Variants in PHLDB2 observed in about 807,000 individuals in gnomAD.
PHLDB2 encodes the protein pleckstrin homology-like domain family B member 2.
PHLDB2 carries 71 observed loss-of-function variants against 123.6 expected under a neutral mutation model. The ratio of observed to expected loss-of-function variants is 0.57; its 90% CI spans 0.47 to 0.70. The LOEUF is 0.70. Ranked by LOEUF, PHLDB2 falls within the 30% of genes least tolerant of loss-of-function variation. The probability of loss-of-function intolerance (pLI) is 0.00; values close to 1 mark genes in which losing one functional copy is unlikely to be tolerated. For missense variants in PHLDB2, 1,446 were observed against 1,519.5 expected (o/e 0.95, Z 0.80); for synonymous variants, 547 against 541.6 (o/e 1.01, Z -0.14).
intron 1 of PHLDB2, among the ~76,000 whole-genome samples, chr3:111,842,327 T>C (rs2063730658): frequency 6.6e-6 from 1 of 152,222 alleles, no homozygotes; most frequent in Non-Finnish European, 1.5e-5. Flanking sequence ...ATTTCTCATA[T>C]ATCCCCATCC....
At chr3:111,898,038 C>G (rs974261792) in intron 2 of PHLDB2, among the ~76,000 whole-genome samples, 1 of 152,008 alleles carries the variant, frequency 6.6e-6, no homozygotes, top group African/African-American at 2.4e-5. Flanking sequence ...AAAATACTAA[C>G]AATTATATGA....
At chr3:111,810,627 T>C (rs1382887967) in intron 1 of PHLDB2, among the ~76,000 whole-genome samples, 1 of 152,156 alleles carries the variant, frequency 6.6e-6, no homozygotes, top group Non-Finnish European at 1.5e-5. Flanking sequence ...AAAAGTTCTC[T>C]TTAAATACAG....
At chr3:111,734,873 T>C (rs1941634271) in intron 1 of PHLDB2, among the ~76,000 whole-genome samples, 1 of 152,188 alleles carries the variant, frequency 6.6e-6, no homozygotes, top group African/African-American at 2.4e-5. Context: ...AGTTCTCCAC[T>C]GGCTCTTGGA....
At chr3:111,738,846 A>G (rs1452200303) in intron 1 of PHLDB2, among the ~76,000 whole-genome samples, 2 of 152,200 alleles carry the variant, frequency 1.3e-5, no homozygotes, top group Non-Finnish European at 2.9e-5. Flanking sequence ...AGTGTTAACC[A>G]TTGGTGTAGA....
intron 2 of PHLDB2, among the ~76,000 whole-genome samples, chr3:111,850,586 C>A (rs548225498): frequency 6.6e-6 from 1 of 152,228 alleles, no homozygotes; most frequent in East Asian, 1.9e-4. Flanking sequence ...GGCAATGTAG[C>A]AAGATCCCAT....
At chr3:111,780,414 A>AGAAGAAGAAGAAGAAGAT (rs2060422652) in intron 1 of PHLDB2, among the ~76,000 whole-genome samples, 2 of 146,384 alleles carry the variant, frequency 1.4e-5, no homozygotes, top group African/African-American at 5.2e-5. Context: ...AAGAAGAAAA[A>AGAAGAAGAAGAAGAAGAT]GATTAGTTCG....
At chr3:111,795,521 C>G (rs1467311227) in intron 1 of PHLDB2, among the ~76,000 whole-genome samples, 3 of 152,218 alleles carry the variant, frequency 2.0e-5, no homozygotes, top group Admixed American at 2.0e-4. Context: ...GGGAGCAGAA[C>G]TAGGTCCCTA....
intron 1 of PHLDB2, among the ~76,000 whole-genome samples, chr3:111,786,238 C>T (rs1259682115): frequency 3.3e-5 from 5 of 152,092 alleles, no homozygotes; most frequent in Non-Finnish European, 5.9e-5. Context: ...TGTAAATAGT[C>T]GTTATGCTGT....
At chr3:111,855,077 A>AT (rs368424574), upstream of PHLDB2, among the ~76,000 whole-genome samples, 86 of 152,260 alleles carry the variant, frequency 5.6e-4, no homozygotes, top group African/African-American at 2.0e-3. Flanking sequence ...GTCAACAGGT[A>AT]ATCTTCCATG....
intron 1 of PHLDB2, among the ~76,000 whole-genome samples, chr3:111,759,429 C>A (rs2059956665): frequency 6.6e-6 from 1 of 152,198 alleles, no homozygotes; most frequent in Non-Finnish European, 1.5e-5. Context: ...AATGCTGTCA[C>A]ATTGGTGATT....
intron 10 of PHLDB2, 58 bp downstream of exon 10, chr3:111,949,133 C>T: frequency 1.3e-6 from 2 of 1,584,520 alleles, no homozygotes; most frequent in African/African-American, 1.3e-5. Context: ...GAAATTAACC[C>T]ACGGCCAACT....
At chr3:111,888,147 C>T (rs2066281156) in intron 2 of PHLDB2, among the ~76,000 whole-genome samples, 2 of 151,916 alleles carry the variant, frequency 1.3e-5, no homozygotes, top group African/African-American at 4.8e-5. Flanking sequence ...TTGAACATTA[C>T]CTATAATATT....
chr3:111,872,011 A>G (rs2065363038), intron 1 of PHLDB2, among the ~76,000 whole-genome samples: 1 of 152,208 alleles, frequency 6.6e-6, no homozygotes, highest in South Asian at 2.1e-4. Context: ...GAGGTGATGT[A>G]GTAGGTTTCA....
intron 13 of PHLDB2, among the ~76,000 whole-genome samples, chr3:111,963,778 A>G (rs1434721257): frequency 6.6e-6 from 1 of 152,246 alleles, no homozygotes; most frequent in Non-Finnish European, 1.5e-5. Flanking sequence ...ACATAAGTTA[A>G]AAACAAATCT....
chr3:111,901,453 A>G (rs2067199277), intron 2 of PHLDB2, among the ~76,000 whole-genome samples: 1 of 152,066 alleles, frequency 6.6e-6, no homozygotes, highest in Non-Finnish European at 1.5e-5. Flanking sequence ...GTTATAGTCT[A>G]CTGTCGTTTT....
At chr3:111,842,933 A>T (rs2063757823) in intron 1 of PHLDB2, among the ~76,000 whole-genome samples, 1 of 152,250 alleles carries the variant, frequency 6.6e-6, no homozygotes, top group Admixed American at 6.5e-5. Flanking sequence ...CATTGTCAGT[A>T]CTTTATTCCT....
chr3:111,911,792 T>C, intron 2 of PHLDB2: 2 of 1,347,632 alleles, frequency 1.5e-6, no homozygotes, highest in East Asian at 5.0e-5. Context: ...TTTTTTTTGT[T>C]GGGGGATTAC....
At chr3:111,904,854 A>G (rs1167729752) in intron 2 of PHLDB2, among the ~76,000 whole-genome samples, 1 of 152,150 alleles carries the variant, frequency 6.6e-6, no homozygotes, top group Non-Finnish European at 1.5e-5. Context: ...TAACTGAGCT[A>G]ATGCTTATGC....
At position 111,885,204 on chromosome 3, in the gene PHLDB2, T is replaced by G. The variant is rs2066094034; in HGVS notation, c.1127T>G (p.Val376Gly). The G allele has an allele frequency of 6.2e-7, 1 of 1,613,548 alleles. No individual in the cohort carries two copies. Among genetic ancestry groups the G allele is most frequent in the African/African-American group, 1.3e-5 (1 of 74,744 alleles). ...CTTCTTGCTGGAGAGTCAGACAGAGTTTTTGCGACCAGGAGGAACTTCTCT... is the reference window on the plus strand; with the variant it reads ...CTTCTTGCTGGAGAGTCAGACAGAGGTTTTGCGACCAGGAGGAACTTCTCT... ...HSLLAGESDR[V>G]FATRRNFSCG... Residue 376 changes from valine (V) to glycine (G), a missense_variant, in exon 2 of 18, where the codon GTT becomes GGT. Physicochemically the swap from Val to Gly is moderately radical, Grantham distance 109. Transcript: ENST00000431670.
Sources: gnomAD v4.1 joint callset for allele counts (sites outside exome capture counted in the v4.1 genomes callset) on GRCh38, gnomAD v4.1.1 for gene constraint, MANE v1.5 for transcripts, NCBI Gene and HGNC (gene_info 2026-07-23, HGNC 2026-07-21) for gene names.